The following PPP4R2 variants were observed in gnomAD, a reference collection of about 807,000 sequenced individuals.
The protein encoded by PPP4R2 is serine/threonine-protein phosphatase 4 regulatory subunit 2.
In PPP4R2, 13 loss-of-function variants were observed where a neutral mutation model predicts 47.2. That is an observed-to-expected ratio of 0.28 (90% CI 0.18 to 0.44). PPP4R2 has a LOEUF of 0.44. PPP4R2 is among the 20% of genes least tolerant of loss of function. The pLI, the probability that PPP4R2 is intolerant of heterozygous loss-of-function variation, is 1.00. For synonymous variants in PPP4R2, 151 were observed against 163.3 expected, an observed-to-expected ratio of 0.92 and a Z score of 0.57; for missense variants, 421 against 491.2, an observed-to-expected ratio of 0.86 and a Z score of 1.35.
In PPP4R2 at chr3:73,005,576, C is replaced by T. The variant is rs1214397781; in HGVS notation, c.116+7418C>T. 2.6e-5 allele frequency among the ~76,000 whole-genome samples: 4 copies of T among 151,698 alleles called. No individual in the cohort carries two copies. In the South Asian group the frequency reaches 6.2e-4, roughly 24 times the overall value. On this transcript the variant is annotated intron_variant, in intron 2 of 8. Coordinates refer to ENST00000356692, the MANE Select transcript of PPP4R2 (RefSeq NM_174907.4). ...AAAAAGCAGTGTTACGGGCCGGGTG[C>T]GGTGGCTCACGCCTGTAATCCCAGC... is the stretch of plus-strand genomic sequence containing the variant.
intron 2 of PPP4R2, among the ~76,000 whole-genome samples, chr3:73,043,092 C>T (rs1223329114): frequency 2.7e-5 from 3 of 110,854 alleles, no homozygotes; most frequent in East Asian, 2.4e-4. Context: ...TCTGAACTCA[C>T]GCTATGAATT....
At position 73,061,598 on chromosome 3, in the gene PPP4R2, T is replaced by C. The variant is rs551408068; in HGVS notation, c.419+538T>C. 5.0e-4 allele frequency: 85 copies of C among 168,888 alleles called. 1 individual carries two copies. Among genetic ancestry groups the C allele is most frequent in the Non-Finnish European group, 8.8e-4 (70 of 79,322 alleles). The allele number at this position is 168,888 out of a possible 1,614,324, so 10.5% of individuals were successfully genotyped here. On this transcript the variant is annotated intron_variant, in intron 5 of 8. Transcript: ENST00000356692. ...ACTGTCCTTGACCTCTACCCACTTATGCCAGTAGTGTTCCCCTCTCCAAAT... is the reference window on the plus strand; with the variant it reads ...ACTGTCCTTGACCTCTACCCACTTACGCCAGTAGTGTTCCCCTCTCCAAAT...
At chr3:73,060,978 G>T (rs749944884) in intron 4 of PPP4R2, 45 bp from the exon 5 acceptor site, 70 of 1,374,696 alleles carry the variant, frequency 5.1e-5, no homozygotes, top group Non-Finnish European at 6.6e-5. Context: ...ACTTTATGTT[G>T]TAGTACTTTT....
chr3:73,054,609 T>C (rs1007194091), intron 3 of PPP4R2, among the ~76,000 whole-genome samples: 1 of 151,702 alleles, frequency 6.6e-6, no homozygotes, highest in Non-Finnish European at 1.5e-5. Context: ...GAATGACTGT[T>C]TTGACTTTTT....
Position 73,065,002 on chromosome 3 carries a change from G to A in PPP4R2, c.789G>A (p.Thr263=), listed in dbSNP as rs751960342. The stretch of plus-strand genomic sequence containing the variant: ...AAGTCAGAGAAACAGCCAGTCAAAC[G>A]ACTTCCAGCGAAATTTCTTCAGTTA... ...EGEVRETASQ[T]TSSEISSVMV... Residue 263 remains threonine (T), a synonymous_variant, in exon 8 of 9, where the codon ACG becomes ACA. Transcript: ENST00000356692. 1.1e-5 allele frequency: 17 copies of A among 1,613,736 alleles called. No homozygotes were observed. The highest frequency in any genetic ancestry group is 5.0e-5 in the Admixed American group (3 of 59,980).
intron 3 of PPP4R2, 30 bp downstream of exon 3, chr3:73,047,386 A>G (rs756758170): frequency 2.0e-5 from 28 of 1,408,882 alleles, no homozygotes; most frequent in Non-Finnish European, 2.7e-5. Flanking sequence ...TTAAAGATTT[A>G]ATTTTTAGCA....
At chr3:73,010,432 G>T (rs991832093) in intron 2 of PPP4R2, among the ~76,000 whole-genome samples, 1 of 152,174 alleles carries the variant, frequency 6.6e-6, no homozygotes, top group African/African-American at 2.4e-5. Flanking sequence ...AGAGTGAAGA[G>T]CCATTTGCAG....
In PPP4R2 at chr3:73,065,110, G is replaced by A. The variant is rs573588322; in HGVS notation, c.897G>A (p.Glu299=). The A allele has an allele frequency of 1.9e-5, 31 of 1,609,794 alleles. No individual in the cohort carries two copies. The highest frequency in any genetic ancestry group is 1.2e-4 in the South Asian group (11 of 90,322). The change falls in exon 8 of 9, where the codon GAG becomes GAA. Residue 299 remains glutamate, a synonymous_variant. Transcript: ENST00000356692. ...GTACCCGGCAGCACTGTACAGAAGAGGATGAAGAAGAGGATGAAGAGGAAG... is the reference window on the plus strand; with the variant it reads ...GTACCCGGCAGCACTGTACAGAAGAAGATGAAGAAGAGGATGAAGAGGAAG... ...SRCTRQHCTE[E]DEEEDEEEEE...
chr3:73,044,625 A>C (rs1702447998), intron 2 of PPP4R2, among the ~76,000 whole-genome samples: 1 of 151,982 alleles, frequency 6.6e-6, no homozygotes, highest in Admixed American at 6.5e-5. Flanking sequence ...TGGCCAGCCA[A>C]TACTTGTTCA....
intron 2 of PPP4R2, among the ~76,000 whole-genome samples, chr3:73,029,512 T>C (rs1319602775): frequency 6.6e-6 from 1 of 152,140 alleles, no homozygotes; most frequent in African/African-American, 2.4e-5. Context: ...AAGGAGTCAG[T>C]AGTGACTCAG....
chr3:73,008,463 CAT>C (rs1332417354), intron 2 of PPP4R2, among the ~76,000 whole-genome samples: 2 of 152,146 alleles, frequency 1.3e-5, no homozygotes, highest in African/African-American at 4.8e-5. Flanking sequence ...CAAATAAGCT[CAT>C]GTTTTCCATG....
chr3:73,032,480 G>A (rs1220059832), intron 2 of PPP4R2, among the ~76,000 whole-genome samples: 1 of 151,804 alleles, frequency 6.6e-6, no homozygotes, highest in Non-Finnish European at 1.5e-5. Context: ...GTAGAGGCGG[G>A]GTTTTACCAT....
intron 2 of PPP4R2, among the ~76,000 whole-genome samples, chr3:73,029,010 A>G (rs1332025935): frequency 6.6e-6 from 1 of 152,106 alleles, no homozygotes; most frequent in African/African-American, 2.4e-5. Flanking sequence ...CAGTGATGTG[A>G]TCATGGCTCA....
At chr3:73,041,181 G>A (rs2107297996) in intron 2 of PPP4R2, among the ~76,000 whole-genome samples, 1 of 152,192 alleles carries the variant, frequency 6.6e-6, no homozygotes, top group Admixed American at 6.5e-5. Flanking sequence ...TTTCATATAT[G>A]TGTGGGTGTG....
chr3:73,064,473 T>C (rs954836916), intron 7 of PPP4R2, among the ~76,000 whole-genome samples: 6 of 152,168 alleles, frequency 3.9e-5, no homozygotes, highest in African/African-American at 9.7e-5. Flanking sequence ...TCGTTTCTCA[T>C]TGTAGTTCAT....
chr3:73,034,188 T>G (rs1702221020), intron 2 of PPP4R2, among the ~76,000 whole-genome samples: 1 of 152,252 alleles, frequency 6.6e-6, no homozygotes, highest in African/African-American at 2.4e-5. Context: ...GAACCTCTTG[T>G]ACTACTATTA....
chr3:73,062,702 A>G lies in PPP4R2; in HGVS notation c.420-971A>G, dbSNP rs756915609. 3 of 1,614,020 alleles carry G rather than the reference A, an allele frequency of 1.9e-6. No homozygotes were observed. In the South Asian group the frequency reaches 3.3e-5, roughly 18 times the overall value. On this transcript the variant is annotated intron_variant, in intron 5 of 8. Transcript: ENST00000356692. ...ATAAGATTTGCACCAGCAGTCTCCAAGTTCAGAGACGATTCAAGGCAATGA... is the reference window on the plus strand; with the variant it reads ...ATAAGATTTGCACCAGCAGTCTCCAGGTTCAGAGACGATTCAAGGCAATGA...
chr3:73,047,821 A>G (rs1442562995), intron 3 of PPP4R2, among the ~76,000 whole-genome samples: 2 of 152,342 alleles, frequency 1.3e-5, no homozygotes, highest in South Asian at 2.1e-4. Context: ...CTTGTAAAAC[A>G]TTAAAAACAC....
chr3:72,997,275 C>T lies in PPP4R2; in HGVS notation c.34+204C>T, dbSNP rs146155596. ...CCCCGCTCTGGCTTTGTGTCGGCCG[C>T]CGGCGTCTGGGCTGGGGGAGGGGAG... On this transcript the variant is annotated intron_variant, in intron 1 of 8. Coordinates refer to ENST00000356692, the MANE Select transcript of PPP4R2 (RefSeq NM_174907.4). The T allele has an allele frequency of 2.3e-3, 964 of 414,270 alleles. 8 individuals are homozygous for T. Among genetic ancestry groups the T allele is most frequent in the African/African-American group, 0.018 (895 of 48,612 alleles). 25.7% of individuals were successfully genotyped at this position (414,270 alleles called of 1,614,324 possible). A position where few individuals can be genotyped will look rare whatever the true frequency, so the allele number is the denominator to read the frequency against.
Sources: gnomAD v4.1 joint callset for allele counts (sites outside exome capture counted in the v4.1 genomes callset) on GRCh38, gnomAD v4.1.1 for gene constraint, MANE v1.5 for transcripts, NCBI Gene and HGNC (gene_info 2026-07-23, HGNC 2026-07-21) for gene names.